Variants in MRE11 observed in about 807,000 individuals in gnomAD.
MRE11 encodes the protein double-strand break repair protein MRE11.
In MRE11, 62 loss-of-function variants were observed where a neutral mutation model predicts 91.7. That is an observed-to-expected ratio of 0.68 (90% CI 0.55 to 0.84). The LOEUF (loss-of-function observed/expected upper bound fraction) is 0.84. Among genes scored for constraint, MRE11 ranks in the 40% least tolerant of loss-of-function variants. The pLI is 0.00. For missense variants in MRE11, 796 were observed against 852.9 expected (o/e 0.93, Z 0.83); for synonymous variants, 273 against 271.4 (o/e 1.01, Z -0.06).
At chr11:94,476,251 C>T (rs1472017325) in intron 7 of MRE11, 38 bp downstream of exon 7, 10 of 1,361,372 alleles carry the variant, frequency 7.3e-6, no homozygotes, top group Admixed American at 3.4e-5. Context: ...TGGGAAGCCT[C>T]AGCACTTGGC....
chr11:94,453,144 G>T (rs891436124), intron 14 of MRE11, among the ~76,000 whole-genome samples: 2 of 151,630 alleles, frequency 1.3e-5, no homozygotes, highest in African/African-American at 4.9e-5. Flanking sequence ...CCATATTGTA[G>T]CATGTATCAG....
At chr11:94,420,248 T>C in intron 19 of MRE11, 67 bp from the exon 20 acceptor site, 1 of 1,312,520 alleles carries the variant, frequency 7.6e-7, no homozygotes, top group Non-Finnish European at 1.1e-6. Context: ...ACAGAAGTTC[T>C]TATGGGCAAA....
At chr11:94,491,641 T>C (rs552922084) in intron 2 of MRE11, among the ~76,000 whole-genome samples, 2 of 152,330 alleles carry the variant, frequency 1.3e-5, no homozygotes, top group South Asian at 4.1e-4. Context: ...TTATTATCTC[T>C]GACAAATGAG....
At chr11:94,485,783 T>C in intron 4 of MRE11, 141 bp downstream of exon 4, 1 of 785,082 alleles carries the variant, frequency 1.3e-6, no homozygotes. Flanking sequence ...ATTAATACAA[T>C]GATGTACAAA....
chr11:94,496,861 T>A (rs563639078), upstream of MRE11: 5 of 1,612,814 alleles, frequency 3.1e-6, no homozygotes, highest in South Asian at 5.5e-5. Context: ...AGGAGCAAGA[T>A]GACAAAAATG....
chr11:94,467,709 T>C lies in MRE11; in HGVS notation c.1098+104A>G, dbSNP rs1591687882. The stretch of plus-strand genomic sequence containing the variant: ...CCTCCGATGGTGATTGCTCTTCTTA[T>C]TACTATGAGCACTCTCCTCACTACT... On this transcript the variant is annotated intron_variant, in intron 10 of 19. Transcript: ENST00000323929. The C allele has an allele frequency of 1.1e-5, 11 of 976,300 alleles. No homozygotes were observed. In the East Asian group the frequency reaches 2.3e-4, roughly 20 times the overall value. 60.5% of individuals were successfully genotyped at this position (976,300 alleles called of 1,614,324 possible). A position where few individuals can be genotyped will look rare whatever the true frequency, so the allele number is the denominator to read the frequency against.
intron 7 of MRE11, among the ~76,000 whole-genome samples, chr11:94,472,039 G>T (rs1946730742): frequency 6.6e-6 from 1 of 151,960 alleles, no homozygotes; most frequent in African/African-American, 2.4e-5. Context: ...ACATAGGAAG[G>T]ATTTCCCCTT....
chr11:94,459,336 G>A (rs1454581957), intron 13 of MRE11, 72 bp downstream of exon 13: 1 of 1,517,436 alleles, frequency 6.6e-7, no homozygotes, highest in Non-Finnish European at 9.1e-7. Flanking sequence ...TGATTTACCA[G>A]AAAAAAATCT....
intron 19 of MRE11, among the ~76,000 whole-genome samples, chr11:94,422,264 C>T (rs987988281): frequency 2.0e-5 from 3 of 152,104 alleles, no homozygotes; most frequent in Non-Finnish European, 4.4e-5. Flanking sequence ...ACTTATAACT[C>T]TTCCTCTTCC....
chr11:94,512,244 T>C, the MRE11 span, among the ~76,000 whole-genome samples: 1 of 152,216 alleles, frequency 6.6e-6, no homozygotes, highest in African/African-American at 2.4e-5. Flanking sequence ...TCGGATTCTC[T>C]GGGAATAGTA....
chr11:94,486,741 G>T (rs13447597), intron 3 of MRE11, among the ~76,000 whole-genome samples: 3 of 152,112 alleles, frequency 2.0e-5, no homozygotes, highest in Non-Finnish European at 1.5e-5. Flanking sequence ...AGGACAATTC[G>T]CCTGAGGACA....
At chr11:94,507,877 T>C in the MRE11 span, among the ~76,000 whole-genome samples, 1 of 151,962 alleles carries the variant, frequency 6.6e-6, no homozygotes, top group Non-Finnish European at 1.5e-5. Flanking sequence ...TTCTGGATCC[T>C]AGTTATTTTT....
chr11:94,502,959 G>GCCA, the MRE11 span, among the ~76,000 whole-genome samples: 1 of 152,132 alleles, frequency 6.6e-6, no homozygotes, highest in South Asian at 2.1e-4. Flanking sequence ...ACAGACTTGA[G>GCCA]CCACCATGCT....
intron 13 of MRE11, among the ~76,000 whole-genome samples, chr11:94,457,157 A>T (rs1018550025): frequency 1.1e-4 from 17 of 152,318 alleles, no homozygotes; most frequent in South Asian, 6.2e-4. Flanking sequence ...TGAGGCAGGA[A>T]GATAACAAGA....
At chr11:94,449,067 G>A (rs1159572516) in intron 14 of MRE11, among the ~76,000 whole-genome samples, 3 of 152,120 alleles carry the variant, frequency 2.0e-5, no homozygotes, top group African/African-American at 7.2e-5. Flanking sequence ...AGTCTCTCTT[G>A]CTTGGAATGG....
chr11:94,453,995 G>C (rs187680687), intron 14 of MRE11, among the ~76,000 whole-genome samples: 33 of 151,758 alleles, frequency 2.2e-4, no homozygotes, highest in African/African-American at 6.8e-4. Flanking sequence ...AAGCCTAATG[G>C]TTACTGTTTG....
chr11:94,476,355 A>G lies in MRE11; in HGVS notation c.593T>C (p.Val198Ala). 6.2e-7 allele frequency: 1 copy of G among 1,613,368 alleles called. No individual in the cohort carries two copies. Among genetic ancestry groups the G allele is most frequent in the Non-Finnish European group, 8.5e-7 (1 of 1,179,502 alleles). The change falls in exon 7 of 20, where the codon GTA becomes GCA. Residue 198 changes from valine to alanine, a missense_variant. Coordinates refer to ENST00000323929, the MANE Select transcript of MRE11 (RefSeq NM_005591.4). Reference sequence around the variant, plus strand: ...ATCTTCCTTTGGTCTCAACATTGTTACTTTTTTATTGACAAACATTCGATA... The same window carrying G: ...ATCTTCCTTTGGTCTCAACATTGTTGCTTTTTTATTGACAAACATTCGATA... ...RLYRMFVNKK[V>A]TMLRPKEDEN... is the part of the protein sequence containing the mutation.
At chr11:94,448,279 G>A (rs1945998125) in intron 14 of MRE11, among the ~76,000 whole-genome samples, 1 of 151,840 alleles carries the variant, frequency 6.6e-6, no homozygotes, top group Non-Finnish European at 1.5e-5. Context: ...ACAAATATAT[G>A]GTAAAGAGAA....
chr11:94,496,021 A>G (rs1281528808), upstream of MRE11, among the ~76,000 whole-genome samples: 1 of 152,240 alleles, frequency 6.6e-6, no homozygotes, highest in East Asian at 1.9e-4. Flanking sequence ...TTGCCTATCA[A>G]TAAACAGGAC....
Sources: allele counts gnomAD v4.1 joint callset (sites outside exome capture counted in the v4.1 genomes callset), GRCh38; gene constraint gnomAD v4.1.1; transcripts MANE v1.5; gene names NCBI Gene and HGNC (gene_info 2026-07-23, HGNC 2026-07-21).